Variants in PCDH15 observed in about 807,000 individuals in gnomAD.
The protein encoded by PCDH15 is protocadherin related 15, also known as protocadherin-15.
PCDH15 carries 129 observed loss-of-function variants against 178.5 expected under a neutral mutation model. The ratio of observed to expected loss-of-function variants is 0.72; its 90% CI spans 0.63 to 0.84. The LOEUF is 0.84. Among genes scored for constraint, PCDH15 ranks in the 40% least tolerant of loss-of-function variants. The pLI, the probability that PCDH15 is intolerant of heterozygous loss-of-function variation, is 0.00. For synonymous variants in PCDH15, 800 were observed against 732.0 expected (o/e 1.09, Z -1.50); for missense variants, 2,230 against 2,099.9 (o/e 1.06, Z -1.21).
chr10:54,565,911 C>T lies in PCDH15; in HGVS notation c.92-38034G>A, dbSNP rs59790104. ...ACCAGCCTGACCAACCTGGAGAAAC[C>T]CCATCTCTACTAAAAGTACAAAATT... On this transcript the variant is annotated intron_variant, in intron 2 of 37. Coordinates refer to ENST00000644397, the MANE Select transcript of PCDH15 (RefSeq NM_001384140.1). 8.8e-3 allele frequency among the ~76,000 whole-genome samples: 1,343 copies of T among 152,028 alleles called. 24 individuals carry two copies. The highest frequency in any genetic ancestry group is 0.031 in the African/African-American group (1,273 of 41,474).
intron 3 of PCDH15, among the ~76,000 whole-genome samples, chr10:54,428,949 G>A (rs1292229019): frequency 3.3e-5 from 5 of 152,116 alleles, no homozygotes; most frequent in Admixed American, 1.3e-4. Context: ...TCAAAGAAAA[G>A]GTTGTTAGTG....
chr10:54,387,870 A>G (rs1950105005), intron 3 of PCDH15, among the ~76,000 whole-genome samples: 1 of 152,218 alleles, frequency 6.6e-6, no homozygotes, highest in Non-Finnish European at 1.5e-5. Flanking sequence ...GGCAAACAGC[A>G]GGACCTAGAC....
At chr10:55,530,179 A>G (rs941145231) in intron 2 of PCDH15, among the ~76,000 whole-genome samples, 1 of 151,920 alleles carries the variant, frequency 6.6e-6, no homozygotes, top group East Asian at 1.9e-4. Context: ...TAAATGTTTA[A>G]CTGTCGTCGG....
intron 2 of PCDH15, among the ~76,000 whole-genome samples, chr10:54,944,381 G>A (rs1378437122): frequency 6.6e-6 from 1 of 151,942 alleles, no homozygotes; most frequent in African/African-American, 2.4e-5. Context: ...ATGCTGAGGT[G>A]TAAGATGATA....
At position 54,079,432 on chromosome 10, in the gene PCDH15, C is replaced by A. The variant is rs2135948339; in HGVS notation, c.1998-8G>T. The A allele has an allele frequency of 6.2e-7, 1 of 1,607,662 alleles. No individual in the cohort carries two copies. Among genetic ancestry groups the A allele is most frequent in the Non-Finnish European group, 8.5e-7 (1 of 1,174,194 alleles). ...AAGGTTAGAATCCCCGTGCTAGTGA[C>A]AAAACAAACAAACAAATAAGACAAA... On this transcript the variant is annotated splice_polypyrimidine_tract_variant and splice_region_variant and intron_variant, in intron 16 of 37. Coordinates refer to ENST00000644397, the MANE Select transcript of PCDH15 (RefSeq NM_001384140.1).
intron 2 of PCDH15, among the ~76,000 whole-genome samples, chr10:54,639,087 G>A (rs1057336811): frequency 9.2e-5 from 14 of 152,026 alleles, no homozygotes; most frequent in African/African-American, 2.2e-4. Context: ...TAAAAAGGAC[G>A]TAAAATTCAC....
chr10:53,817,431 A>C (rs1472207279), intron 34 of PCDH15, among the ~76,000 whole-genome samples: 1 of 151,694 alleles, frequency 6.6e-6, no homozygotes, highest in East Asian at 1.9e-4. Context: ...GCTTTAACCT[A>C]GTGATAGGAT....
At chr10:53,937,431 T>C (rs1381156326) in intron 25 of PCDH15, among the ~76,000 whole-genome samples, 2 of 152,234 alleles carry the variant, frequency 1.3e-5, no homozygotes, top group Non-Finnish European at 2.9e-5. Context: ...TTTATCCAAT[T>C]CAGTTTACAA....
intron 2 of PCDH15, among the ~76,000 whole-genome samples, chr10:55,459,241 A>AAAAGAAAAG (rs1554872420): frequency 7.4e-6 from 1 of 134,242 alleles, no homozygotes; most frequent in Non-Finnish European, 1.5e-5. Flanking sequence ...GCAAAAAAAA[A>AAAAGAAAAG]AAAGAAGGAA....
chr10:53,937,930 C>T (rs1242801574), intron 25 of PCDH15, among the ~76,000 whole-genome samples: 2 of 152,082 alleles, frequency 1.3e-5, no homozygotes, highest in African/African-American at 2.4e-5. Flanking sequence ...TCCTGTTTCT[C>T]ATTTCACACT....
At chr10:55,323,288 T>C (rs1011184128), upstream of PCDH15, among the ~76,000 whole-genome samples, 6 of 152,152 alleles carry the variant, frequency 3.9e-5, no homozygotes, top group Admixed American at 1.3e-4. Flanking sequence ...CAGAAGGGAA[T>C]TGTGGGTCCC....
At chr10:54,301,355 A>G (rs1439754321) in intron 8 of PCDH15, among the ~76,000 whole-genome samples, 1 of 152,220 alleles carries the variant, frequency 6.6e-6, no homozygotes, top group African/African-American at 2.4e-5. Flanking sequence ...TAAGTCTTCT[A>G]TCATTCTGTT....
At chr10:54,187,097 G>A (rs554919633) in intron 11 of PCDH15, among the ~76,000 whole-genome samples, 3 of 152,016 alleles carry the variant, frequency 2.0e-5, no homozygotes, top group East Asian at 1.9e-4. Flanking sequence ...CACCAACAAT[G>A]GTGCCATCTG....
intron 14 of PCDH15, among the ~76,000 whole-genome samples, chr10:54,140,247 A>G (rs1011889680): frequency 6.6e-6 from 1 of 152,190 alleles, no homozygotes; most frequent in African/African-American, 2.4e-5. Context: ...CATGGAGCCA[A>G]ATTTCATAGT....
rs138933868 is a variant in PCDH15 at position 55,435,701 on chromosome 10, AAC to A, written c.-156+191922_-156+191923del. Among the ~76,000 whole-genome samples, 706 of 152,208 alleles carry A rather than the reference AAC, an allele frequency of 4.6e-3. 7 individuals are homozygous for A. Among genetic ancestry groups the A allele is most frequent in the African/African-American group, 0.016 (672 of 41,490 alleles). On this transcript the variant is annotated intron_variant, in intron 2 of 5. Transcript: ENST00000613346. ...GGTAACTTACAATGAGACAGGGAGA[AAC>A]AGAGAAAAAATATGAGAAATGAAAA...
At chr10:54,062,941 G>A (rs2094061312) in intron 18 of PCDH15, among the ~76,000 whole-genome samples, 1 of 152,100 alleles carries the variant, frequency 6.6e-6, no homozygotes, top group Non-Finnish European at 1.5e-5. Context: ...TTCAATGCTT[G>A]TTTGTTTTTA....
chr10:55,608,042 G>T (rs899492559), intron 2 of PCDH15, among the ~76,000 whole-genome samples: 2 of 151,980 alleles, frequency 1.3e-5, no homozygotes, highest in Admixed American at 6.6e-5. Flanking sequence ...GACAGAACCT[G>T]AGTCTAGATC....
chr10:54,038,421 C>T (rs2093467473), intron 18 of PCDH15, among the ~76,000 whole-genome samples: 1 of 151,856 alleles, frequency 6.6e-6, no homozygotes, highest in Non-Finnish European at 1.5e-5. Flanking sequence ...GGGCAAAGGA[C>T]AAGACCAGAA....
At chr10:55,589,648 C>T (rs1281583522) in intron 2 of PCDH15, among the ~76,000 whole-genome samples, 12 of 152,138 alleles carry the variant, frequency 7.9e-5, no homozygotes, top group Admixed American at 1.3e-4. Context: ...AAAAAATGGG[C>T]GAAGGATATG....
Sources: allele counts gnomAD v4.1 joint callset (sites outside exome capture counted in the v4.1 genomes callset), GRCh38; gene constraint gnomAD v4.1.1; transcripts MANE v1.5; gene names NCBI Gene and HGNC (gene_info 2026-07-23, HGNC 2026-07-21).